SMYD4: variants seen among roughly 807,000 people sequenced by gnomAD.
SMYD4 encodes the protein protein-lysine N-methyltransferase SMYD4.
In SMYD4, 68 loss-of-function variants were observed where a neutral mutation model predicts 72.8. The observed-to-expected ratio is 0.93, with a 90% confidence interval of 0.77 to 1.14. SMYD4 has a LOEUF of 1.14. SMYD4 is among the 50% of genes most tolerant of loss of function. The pLI, the probability that SMYD4 is intolerant of heterozygous loss-of-function variation, is 0.00. For missense variants in SMYD4, 984 were observed against 1,003.7 expected (o/e 0.98, Z 0.27); for synonymous variants, 407 against 388.6 (o/e 1.05, Z -0.56).
chr17:1,817,893 A>G (rs1008593113), intron 2 of SMYD4, among the ~76,000 whole-genome samples: 1 of 151,746 alleles, frequency 6.6e-6, no homozygotes, highest in Non-Finnish European at 1.5e-5. Flanking sequence ...TAAAAATACA[A>G]AAAATTAGCC....
At chr17:1,799,183 T>C (rs113622342) in intron 5 of SMYD4, among the ~76,000 whole-genome samples, 53,638 of 148,812 alleles carry the variant, frequency 0.36, 11,037 homozygotes, top group African/African-American at 0.57. Context: ...GGCGTGAACC[T>C]GGGAGGCAGA....
At chr17:1,797,928 GCAGA>G in intron 5 of SMYD4, among the ~76,000 whole-genome samples, 1 of 151,888 alleles carries the variant, frequency 6.6e-6, no homozygotes. Flanking sequence ...CTTGAACCTG[GCAGA>G]CAGAGGTTGC....
At chr17:1,808,634 G>A (rs754082466) in intron 3 of SMYD4, among the ~76,000 whole-genome samples, 4 of 152,090 alleles carry the variant, frequency 2.6e-5, no homozygotes, top group Admixed American at 6.6e-5. Flanking sequence ...CCAACATACT[G>A]GCTTCATGAA....
At position 1,787,504 on chromosome 17, in the gene SMYD4, G is replaced by A. The variant is rs761611060; in HGVS notation, c.1638C>T (p.Thr546=). 1 of 1,583,356 alleles carries A rather than the reference G, an allele frequency of 6.3e-7. No individual in the cohort carries two copies. Among genetic ancestry groups the A allele is most frequent in the Non-Finnish European group, 8.6e-7 (1 of 1,164,744 alleles). The change falls in exon 6 of 11, where the codon ACC becomes ACT. Residue 546 remains threonine, a synonymous_variant. Transcript: ENST00000305513. ...CGACAGTGCTAATGAAGGACACGCT[G>A]GTGTTGGGGCTACAGGAGTGGTTCA... ...SLLNHSCSPN[T]SVSFISTVAT...
chr17:1,812,412 G>A (rs1241820867), intron 2 of SMYD4, among the ~76,000 whole-genome samples: 1 of 152,014 alleles, frequency 6.6e-6, no homozygotes, highest in African/African-American at 2.4e-5. Flanking sequence ...TCAGCCTCCT[G>A]AGTAGCTGGC....
intron 3 of SMYD4, 67 bp downstream of exon 3, chr17:1,811,904 G>A: frequency 6.4e-7 from 1 of 1,562,502 alleles, no homozygotes; most frequent in Non-Finnish European, 8.7e-7. Flanking sequence ...TCCAGCCTGG[G>A]TAACACAGCA....
intron 5 of SMYD4, among the ~76,000 whole-genome samples, chr17:1,789,345 C>T (rs927051962): frequency 2.6e-5 from 4 of 152,130 alleles, no homozygotes; most frequent in Non-Finnish European, 5.9e-5. Context: ...CCAGATCACA[C>T]TGCTGCACTC....
At chr17:1,785,714 C>T (rs80203091) in intron 7 of SMYD4, among the ~76,000 whole-genome samples, 21 of 146,256 alleles carry the variant, frequency 1.4e-4, no homozygotes, top group African/African-American at 5.4e-4. Context: ...AAGCAGAGAT[C>T]GTGCCACTGC....
At chr17:1,811,851 C>A in intron 3 of SMYD4, 120 bp downstream of exon 3, 1 of 1,088,600 alleles carries the variant, frequency 9.2e-7, no homozygotes. Flanking sequence ...CGCTTGAACC[C>A]AGGAGGCGAA....
chr17:1,829,288 G>A (rs1911390576), intron 1 of SMYD4: 1 of 152,398 alleles, frequency 6.6e-6, no homozygotes, highest in Admixed American at 6.6e-5. Context: ...CGGCTTGCCA[G>A]GCTATTTCAA....
chr17:1,824,408 CA>C (rs749440543), intron 2 of SMYD4, among the ~76,000 whole-genome samples: 135 of 152,170 alleles, frequency 8.9e-4, no homozygotes, highest in Non-Finnish European at 1.7e-3. Flanking sequence ...TTTGTTCCGG[CA>C]CAGATCTAGA....
intron 10 of SMYD4, chr17:1,781,825 C>CG (rs1908382302): frequency 1.2e-5 from 2 of 172,132 alleles, no homozygotes; most frequent in Non-Finnish European, 2.5e-5. Context: ...AGCTACCACA[C>CG]CCGGCCTCAA....
At chr17:1,782,199 A>G (rs372656399) in intron 10 of SMYD4, 4 of 152,056 alleles carry the variant, frequency 2.6e-5, no homozygotes, top group East Asian at 1.9e-4. Context: ...AAAACAAACA[A>G]CAGCAGCAAA....
chr17:1,807,149 CA>C (rs772532839), intron 3 of SMYD4, among the ~76,000 whole-genome samples: 2 of 152,078 alleles, frequency 1.3e-5, no homozygotes, highest in African/African-American at 2.4e-5. Flanking sequence ...CTCGGTCTCC[CA>C]AAGTGCTGGG....
At position 1,812,086 on chromosome 17, in the gene SMYD4, A is replaced by T. The variant is rs759336758; in HGVS notation, c.164T>A (p.Leu55His). ...CTTTCCCACCAAGTAACCTTTAGAA[A>T]GTCTTTTTAGAAACAGCTCATCCTC... ...QPEDELFLKRLSKGYLVGKDS... is the reference protein window; with the variant it reads ...QPEDELFLKRHSKGYLVGKDS... The change falls in exon 3 of 11, where the codon CTT becomes CAT. Residue 55 changes from leucine (L) to histidine (H), a missense_variant. Transcript: ENST00000305513. The T allele has an allele frequency of 3.1e-6, 5 of 1,614,122 alleles. No homozygotes were observed. In the Admixed American group the frequency reaches 8.3e-5, roughly 27 times the overall value.
At chr17:1,798,867 C>A (rs1909546043) in intron 5 of SMYD4, among the ~76,000 whole-genome samples, 1 of 151,428 alleles carries the variant, frequency 6.6e-6, no homozygotes, top group African/African-American at 2.4e-5. Context: ...CCACTGCACT[C>A]CAGCCTGGGA....
chr17:1,800,733 G>C lies in SMYD4; in HGVS notation c.661C>G (p.Leu221Val), dbSNP rs1242630392. ...ALAKTLEDAA[L>V]REENEQLSNA... ...GAAAGTTGTTCATTCTCCTCCCTCA[G>C]CGCTGCATCCTCAAGGGTTTTGGCC... The change falls in exon 5 of 11, where the codon CTG becomes GTG. Residue 221 changes from leucine to valine, a missense_variant. Physicochemically the swap from Leu to Val is conservative, Grantham distance 32. Transcript: ENST00000305513. 6.2e-7 allele frequency: 1 copy of C among 1,614,088 alleles called. No homozygotes were observed. The highest frequency in any genetic ancestry group is 1.7e-5 in the Admixed American group (1 of 59,996).
intron 5 of SMYD4, among the ~76,000 whole-genome samples, chr17:1,794,021 G>GTGTGTATATATA (rs1909215790): frequency 1.1e-4 from 6 of 56,216 alleles, no homozygotes; most frequent in Admixed American, 1.7e-4. Flanking sequence ...ATATATATAT[G>GTGTGTATATATA]TGTGTATATA....
At chr17:1,802,561 T>C (rs1909825080) in intron 4 of SMYD4, among the ~76,000 whole-genome samples, 1 of 152,120 alleles carries the variant, frequency 6.6e-6, no homozygotes, top group African/African-American at 2.4e-5. Context: ...GGGTTCAATG[T>C]ATTGCAAGTT....
Sources: gnomAD v4.1 joint callset for allele counts (sites outside exome capture counted in the v4.1 genomes callset) on GRCh38, gnomAD v4.1.1 for gene constraint, MANE v1.5 for transcripts, NCBI Gene and HGNC (gene_info 2026-07-23, HGNC 2026-07-21) for gene names.